The following CFAP54 variants were observed in gnomAD, a reference collection of about 807,000 sequenced individuals.
CFAP54 encodes the protein cilia- and flagella-associated protein 54.
In CFAP54, 290 loss-of-function variants were observed where a neutral mutation model predicts 370.4. The observed-to-expected ratio is 0.78, with a 90% CI of 0.71 to 0.86. The LOEUF (loss-of-function observed/expected upper bound fraction) is 0.86. Ranked by LOEUF, CFAP54 falls within the 40% of genes least tolerant of loss-of-function variation. The pLI is 0.00. For missense variants in CFAP54, 3,399 were observed against 3,528.7 expected (o/e 0.96, Z 0.93); for synonymous variants, 1,206 against 1,236.5 (o/e 0.98, Z 0.52).
At chr12:96,689,403 C>T (rs896615539) in intron 43 of CFAP54, among the ~76,000 whole-genome samples, 1 of 152,182 alleles carries the variant, frequency 6.6e-6, no homozygotes, top group African/African-American at 2.4e-5. Flanking sequence ...TCAGGTGATC[C>T]ACCCGTCTTG....
intron 17 of CFAP54, among the ~76,000 whole-genome samples, chr12:96,562,168 A>G (rs1330511781): frequency 6.6e-6 from 1 of 151,978 alleles, no homozygotes; most frequent in African/African-American, 2.4e-5. Flanking sequence ...CTTCTCCCAT[A>G]TTGAGCATTC....
chr12:96,566,168 T>G (rs1005569843), intron 19 of CFAP54, among the ~76,000 whole-genome samples: 1 of 152,214 alleles, frequency 6.6e-6, no homozygotes, highest in Non-Finnish European at 1.5e-5. Flanking sequence ...CGGGTATGTC[T>G]TTATTAGCAG....
Position 96,657,870 on chromosome 12 carries a change from T to G in CFAP54, c.5101-12T>G. 6.4e-7 allele frequency: 1 copy of G among 1,559,116 alleles called. No homozygotes were observed. On this transcript the variant is annotated splice_polypyrimidine_tract_variant and intron_variant, in intron 36 of 67. Transcript: ENST00000524981. Reference sequence around the variant, plus strand: ...AAATTACACATTTTTTTTTTCACTGTGCTACTTGCAGCCTATTGAAGACAA... The same window carrying G: ...AAATTACACATTTTTTTTTTCACTGGGCTACTTGCAGCCTATTGAAGACAA...
intron 48 of CFAP54, among the ~76,000 whole-genome samples, 165 bp from the exon 49 acceptor site, chr12:96,718,278 G>A (rs1957708226): frequency 6.6e-6 from 1 of 152,174 alleles, no homozygotes; most frequent in South Asian, 2.1e-4. Flanking sequence ...AAGATGGCTT[G>A]AGCCCAGGAG....
chr12:96,693,773 G>A lies in CFAP54; in HGVS notation c.6316G>A (p.Asp2106Asn). ...ATATTTTGTTTCTGGAATTTGTCAA[G>A]ACATAACAAGAAATCTAGAAGCAAG... ...YQYFVSGICQDITRNLEARIL... is the reference protein window; with the variant it reads ...YQYFVSGICQNITRNLEARIL... The change falls in exon 45 of 68, where the codon GAC becomes AAC. Residue 2106 changes from aspartate to asparagine, a missense_variant. By Grantham distance (23) the Asp-to-Asn change is conservative (BLOSUM62 1). Around this residue, in one of 3 missense-constraint regions of CFAP54, gnomAD observed 2,796 missense variants for 2,869.7 expected, o/e 0.97. Coordinates refer to ENST00000524981, the MANE Select transcript of CFAP54 (RefSeq NM_001306084.2). 3 of 1,600,248 alleles carry A rather than the reference G, an allele frequency of 1.9e-6. No homozygotes were observed. Among genetic ancestry groups the A allele is most frequent in the Non-Finnish European group, 2.6e-6 (3 of 1,169,020 alleles).
chr12:96,825,307 T>A (rs1490176065), intron 65 of CFAP54, among the ~76,000 whole-genome samples: 1 of 129,570 alleles, frequency 7.7e-6, no homozygotes, highest in African/African-American at 2.9e-5. Flanking sequence ...ATATTATATA[T>A]ATAATATAAT....
At chr12:96,663,525 A>T (rs1431703116) in intron 38 of CFAP54, among the ~76,000 whole-genome samples, 1 of 152,204 alleles carries the variant, frequency 6.6e-6, no homozygotes, top group African/African-American at 2.4e-5. Context: ...TTTTTAACTT[A>T]TATAATGGAA....
Position 96,644,340 on chromosome 12 carries a change from T to C in CFAP54, c.4479T>C (p.Phe1493=), listed in dbSNP as rs1464293058. The change falls in exon 33 of 68, where the codon TTT becomes TTC. Residue 1493 remains phenylalanine (F), a synonymous_variant. Transcript: ENST00000524981. ...QMNLYLAGAH[F]NLVLQKLWEC... The stretch of plus-strand genomic sequence containing the variant: ...ACCTGTATCTAGCAGGTGCACACTT[T>C]AACCTGGTTTTACAAAAGCTATGGG... The C allele has an allele frequency of 6.5e-7, 1 of 1,536,038 alleles. No individual in the cohort carries two copies. The highest frequency in any genetic ancestry group is 2.4e-5 in the East Asian group (1 of 40,910).
intron 25 of CFAP54, among the ~76,000 whole-genome samples, chr12:96,597,659 GCATTTCTCACCA>G (rs1565908292): frequency 2.0e-5 from 3 of 151,600 alleles, no homozygotes; most frequent in African/African-American, 7.3e-5. Flanking sequence ...TAGACTTACA[GCATTTCTCACCA>G]GACATGGTTG....
At chr12:96,709,167 T>C (rs184439597) in intron 48 of CFAP54, among the ~76,000 whole-genome samples, 10 of 152,346 alleles carry the variant, frequency 6.6e-5, no homozygotes, top group Admixed American at 5.2e-4. Flanking sequence ...TGGTCCATTA[T>C]ATTGACTGTA....
chr12:96,687,873 C>T (rs562209449), intron 42 of CFAP54, among the ~76,000 whole-genome samples: 47 of 152,274 alleles, frequency 3.1e-4, no homozygotes, highest in Admixed American at 8.5e-4. Flanking sequence ...AGGGCACCTC[C>T]GCTTCTCTGA....
intron 63 of CFAP54, among the ~76,000 whole-genome samples, chr12:96,803,994 A>G (rs1958851002): frequency 6.6e-6 from 1 of 152,156 alleles, no homozygotes; most frequent in African/African-American, 2.4e-5. Context: ...AAGAAATCAG[A>G]AAATCAATTC....
chr12:96,662,941 T>A (rs1957011252), intron 38 of CFAP54, among the ~76,000 whole-genome samples: 1 of 152,198 alleles, frequency 6.6e-6, no homozygotes, highest in Non-Finnish European at 1.5e-5. Context: ...ATATATTATA[T>A]AATGTACCAT....
At chr12:96,874,639 T>A (rs1294078648) in intron 67 of CFAP54, among the ~76,000 whole-genome samples, 1 of 84,200 alleles carries the variant, frequency 1.2e-5, no homozygotes, top group South Asian at 3.7e-4. Flanking sequence ...TTTATTTTTT[T>A]TTTTTTTTGA....
chr12:96,517,928 A>G (rs1211780793), intron 5 of CFAP54, among the ~76,000 whole-genome samples: 1 of 152,214 alleles, frequency 6.6e-6, no homozygotes, highest in African/African-American at 2.4e-5. Flanking sequence ...GGATGGCTGT[A>G]ATTTAGAAGT....
At chr12:96,653,522 C>A (rs1368198577) in intron 36 of CFAP54, among the ~76,000 whole-genome samples, 4 of 151,994 alleles carry the variant, frequency 2.6e-5, no homozygotes, top group Non-Finnish European at 4.4e-5. Flanking sequence ...ATTCCAAATA[C>A]CCCATGAGTC....
At chr12:96,502,778 C>T (rs549476829) in intron 2 of CFAP54, among the ~76,000 whole-genome samples, 2 of 152,268 alleles carry the variant, frequency 1.3e-5, no homozygotes, top group African/African-American at 4.8e-5. Flanking sequence ...CCCTGAAACC[C>T]TCCAGGTAAC....
intron 64 of CFAP54, among the ~76,000 whole-genome samples, chr12:96,814,358 T>C (rs975577482): frequency 6.6e-6 from 1 of 152,192 alleles, no homozygotes; most frequent in Admixed American, 6.5e-5. Flanking sequence ...ATGAAGTAGA[T>C]TTTCTTATTC....
intron 63 of CFAP54, among the ~76,000 whole-genome samples, chr12:96,806,380 G>A (rs1043994203): frequency 3.3e-5 from 5 of 150,926 alleles, no homozygotes; most frequent in African/African-American, 9.7e-5. Context: ...GCAAGACTCC[G>A]TCAAGTGAAA....
Sources: gnomAD v4.1 joint callset for allele counts (sites outside exome capture counted in the v4.1 genomes callset) on GRCh38, gnomAD v4.1.1 for gene constraint, gnomAD v4.1.1 regional missense constraint, MANE v1.5 for transcripts, NCBI Gene and HGNC (gene_info 2026-07-23, HGNC 2026-07-21) for gene names.